The following ZNF605 variants were observed in gnomAD, a reference collection of about 807,000 sequenced individuals.
ZNF605 encodes zinc finger protein 605.
Under a neutral mutation model 7.9 loss-of-function variants are expected in ZNF605, and 9 were observed. The observed-to-expected ratio is 1.14, with a 90% CI of 0.68 to 1.98. ZNF605 has a LOEUF of 1.98. ZNF605 is among the 30% of genes most tolerant of loss of function. The pLI, the probability that ZNF605 is intolerant of heterozygous loss-of-function variation, is 0.00. For synonymous variants in ZNF605, 255 were observed against 260.1 expected, an observed-to-expected ratio of 0.98 and a Z score of 0.19; for missense variants, 673 against 762.4, an observed-to-expected ratio of 0.88 and a Z score of 1.38.
At chr12:132,929,858 T>A (rs937871231) in intron 4 of ZNF605, among the ~76,000 whole-genome samples, 1 of 152,126 alleles carries the variant, frequency 6.6e-6, no homozygotes, top group Admixed American at 6.5e-5. Flanking sequence ...GGCAGGAGAA[T>A]CGCTTGAACC....
rs1952230340 is a variant in ZNF605 at position 132,924,650 on chromosome 12, T to A, written c.*723A>T. ...CATGCGGGGGCAGGCTGAGAAACCATGGTGCTCACCTCACTCTGTCTGCAG... is the reference window on the plus strand; with the variant it reads ...CATGCGGGGGCAGGCTGAGAAACCAAGGTGCTCACCTCACTCTGTCTGCAG... On this transcript the variant is annotated 3_prime_UTR_variant, in exon 5 of 5. Transcript: ENST00000360187. The A allele has an allele frequency of 6.6e-6, 1 of 152,438 alleles. No homozygotes were observed. The highest frequency in any genetic ancestry group is 1.5e-5 in the Non-Finnish European group (1 of 68,106). 9.4% of individuals were successfully genotyped at this position (152,438 alleles called of 1,614,324 possible).
intron 4 of ZNF605, 35 bp downstream of exon 4, chr12:132,933,000 T>C: frequency 6.5e-7 from 1 of 1,546,206 alleles, no homozygotes; most frequent in African/African-American, 1.4e-5. Context: ...GGCCAGTTAC[T>C]GGCCATACAC....
Position 132,956,277 on chromosome 12 carries a change from C to G in ZNF605, c.-320G>C, listed in dbSNP as rs1424618684. The G allele has an allele frequency of 1.3e-5, 2 of 152,156 alleles. No homozygotes were observed. The highest frequency in any genetic ancestry group is 4.8e-5 in the African/African-American group (2 of 41,438). 9.4% of individuals were successfully genotyped at this position (152,156 alleles called of 1,614,324 possible). On this transcript the variant is annotated 5_prime_UTR_variant, in exon 1 of 5. Coordinates refer to ENST00000360187, the MANE Select transcript of ZNF605 (RefSeq NM_183238.4). The stretch of plus-strand genomic sequence containing the variant: ...CTCGCAGGGCCGCGGCGGACACGGC[C>G]CGATCGGGGACGTGAACGCGCAGAA...
At position 132,922,862 on chromosome 12, in the gene ZNF605, A is replaced by T. The variant is rs963158701; in HGVS notation, c.*2511T>A. 3 of 152,216 alleles carry T rather than the reference A, an allele frequency of 2.0e-5. No homozygotes were observed. The highest frequency in any genetic ancestry group is 4.4e-5 in the Non-Finnish European group (3 of 68,062). The allele number at this position is 152,216 out of a possible 1,614,324, so 9.4% of individuals were successfully genotyped here. On this transcript the variant is annotated 3_prime_UTR_variant, in exon 5 of 5. Transcript: ENST00000360187. The stretch of plus-strand genomic sequence containing the variant: ...GGCAGGAGGAAGGGAACGGTAATAA[A>T]TAACTTTTTCTCCTCCCACCTCTGG...
Position 132,925,957 on chromosome 12 carries a change from G to A in ZNF605, c.1342C>T (p.Pro448Ser), listed in dbSNP as rs1016326387. Residue 448 changes from proline to serine, a missense_variant, in exon 5 of 5, where the codon CCT becomes TCT. By Grantham distance (74) the Pro-to-Ser change is moderately conservative. Transcript: ENST00000360187. ...TTCCCACACTCACTGCATTCATAAGGCTTCTCCCCAGTGTGTGTTCTGTGA... is the reference window on the plus strand; with the variant it reads ...TTCCCACACTCACTGCATTCATAAGACTTCTCCCCAGTGTGTGTTCTGTGA... ...THHRTHTGEK[P>S]YECSECGKAF... 6.2e-7 allele frequency: 1 copy of A among 1,614,138 alleles called. No homozygotes were observed. Among genetic ancestry groups the A allele is most frequent in the Non-Finnish European group, 8.5e-7 (1 of 1,180,014 alleles).
In ZNF605 at chr12:132,924,302, T is replaced by C. The variant is rs1217648978; in HGVS notation, c.*1071A>G. On this transcript the variant is annotated 3_prime_UTR_variant, in exon 5 of 5. Coordinates refer to ENST00000360187, the MANE Select transcript of ZNF605 (RefSeq NM_183238.4). ...ACAAAACCTTTCTGAGAATTCTACC[T>C]GATGCTCCATGTGTTTCCACTCTGT... The C allele has an allele frequency of 6.6e-6, 1 of 152,234 alleles. No homozygotes were observed. Among genetic ancestry groups the C allele is most frequent in the Non-Finnish European group, 1.5e-5 (1 of 68,042 alleles). 9.4% of individuals were successfully genotyped at this position (152,234 alleles called of 1,614,324 possible).
At chr12:132,937,588 T>C (rs1181740390) in intron 3 of ZNF605, among the ~76,000 whole-genome samples, 2 of 152,082 alleles carry the variant, frequency 1.3e-5, no homozygotes, top group African/African-American at 4.8e-5. Flanking sequence ...TCATTCATTG[T>C]GGTGGGAATG....
Position 132,925,659 on chromosome 12 carries a change from T to C in ZNF605, c.1640A>G (p.Gln547Arg). The part of the protein sequence containing the change: ...ECGKAFVQKV[Q>R]LIKHQRNHTG... ...GTGATTTCTTTGATGCTTAATGAGC[T>C]GCACTTTCTGAACAAATGCTTTCCC... Residue 547 changes from glutamine (Q) to arginine (R), a missense_variant, in exon 5 of 5, where the codon CAG becomes CGG. Gln to Arg is a conservative substitution (Grantham distance 43, BLOSUM62 1). Coordinates refer to ENST00000360187, the MANE Select transcript of ZNF605 (RefSeq NM_183238.4). 1.2e-6 allele frequency: 2 copies of C among 1,614,248 alleles called. No individual in the cohort carries two copies. The highest frequency in any genetic ancestry group is 1.7e-6 in the Non-Finnish European group (2 of 1,180,040).
chr12:132,932,826 G>C, intron 4 of ZNF605: 1 of 1,521,468 alleles, frequency 6.6e-7, no homozygotes, highest in South Asian at 1.2e-5. Context: ...GAAACACAGA[G>C]GACTTGGACC....
intron 4 of ZNF605, among the ~76,000 whole-genome samples, chr12:132,927,944 C>G (rs7955436): frequency 0.014 from 2,079 of 152,234 alleles, 46 homozygotes; most frequent in Middle Eastern, 0.055. Flanking sequence ...CGTGAGCCAC[C>G]ACGCCTGGCT....
At chr12:132,938,537 G>A (rs933812427) in intron 3 of ZNF605, among the ~76,000 whole-genome samples, 8 of 152,166 alleles carry the variant, frequency 5.3e-5, no homozygotes, top group African/African-American at 1.9e-4. Context: ...CCGACCTCAG[G>A]TGATTTGCCC....
intron 3 of ZNF605, among the ~76,000 whole-genome samples, chr12:132,944,136 G>A (rs1952474443): frequency 6.6e-6 from 1 of 152,108 alleles, no homozygotes; most frequent in Non-Finnish European, 1.5e-5. Flanking sequence ...ATGTCAACAA[G>A]CCTTGTACCT....
intron 1 of ZNF605, among the ~76,000 whole-genome samples, chr12:132,952,885 A>G (rs1344307249): frequency 6.6e-6 from 1 of 152,072 alleles, no homozygotes; most frequent in Non-Finnish European, 1.5e-5. Flanking sequence ...ACCCATTCAC[A>G]TTCGGATCTG....
chr12:132,954,495 G>A (rs1242556774), intron 1 of ZNF605, among the ~76,000 whole-genome samples: 5 of 140,660 alleles, frequency 3.6e-5, no homozygotes, highest in African/African-American at 1.4e-4. Flanking sequence ...GTCCTGGGAC[G>A]AACACACTGG....
chr12:132,937,671 G>A (rs950074037), intron 3 of ZNF605, among the ~76,000 whole-genome samples: 17 of 152,154 alleles, frequency 1.1e-4, no homozygotes, highest in Admixed American at 6.5e-4. Flanking sequence ...ACCACACAAC[G>A]CAGCAATTCC....
At position 132,941,841 on chromosome 12, in the gene ZNF605, C is replaced by T. The variant is rs942959047; in HGVS notation, c.15+3780G>A. 5.3e-5 allele frequency among the ~76,000 whole-genome samples: 8 copies of T among 152,084 alleles called. No homozygotes were observed. Among genetic ancestry groups the T allele is most frequent in the South Asian group, 2.1e-4 (1 of 4,796 alleles). ...TCCTTCTCGAGGCTGCCCTCCATCA[C>T]GCGTCCTTCTTCTCCAGGCTGCCCT... On this transcript the variant is annotated intron_variant, in intron 3 of 4. Transcript: ENST00000360187. This position sits in a 1 kb window ranked among gnomAD's most constrained non-coding sequence, Gnocchi z 5.1.
At chr12:132,935,289 GA>G (rs1169715051) in intron 3 of ZNF605, among the ~76,000 whole-genome samples, 4 of 150,582 alleles carry the variant, frequency 2.7e-5, no homozygotes, top group Non-Finnish European at 4.4e-5. Flanking sequence ...GTGGGTCAAT[GA>G]AAAAAAAATC....
intron 1 of ZNF605, among the ~76,000 whole-genome samples, chr12:132,948,938 G>C (rs975114706): frequency 1.2e-4 from 19 of 152,250 alleles, no homozygotes; most frequent in Middle Eastern, 3.4e-3. Flanking sequence ...TGCGGAAGCA[G>C]ACATCAGCGT....
chr12:132,938,057 G>T (rs1333260173), intron 3 of ZNF605, among the ~76,000 whole-genome samples: 30 of 151,538 alleles, frequency 2.0e-4, no homozygotes, highest in Middle Eastern at 3.4e-3. Flanking sequence ...CTCGGCTCAT[G>T]GCAAGCCCCG....
Sources: gnomAD v4.1 joint callset for allele counts (sites outside exome capture counted in the v4.1 genomes callset) on GRCh38, gnomAD v4.1.1 for gene constraint, Gnocchi (gnomAD v3.1) non-coding constraint, MANE v1.5 for transcripts, NCBI Gene and HGNC (gene_info 2026-07-23, HGNC 2026-07-21) for gene names.